Variants in TAF4B observed in about 807,000 individuals in gnomAD.
The protein encoded by TAF4B is TATA-box binding protein associated factor 4b.
A neutral mutation model predicts 86.4 loss-of-function variants in TAF4B; 38 were observed. That is an observed-to-expected ratio of 0.44 (90% CI 0.34 to 0.58). The LOEUF (loss-of-function observed/expected upper bound fraction) is 0.58. Among genes scored for constraint, TAF4B ranks in the 20% least tolerant of loss-of-function variants. The pLI is 0.02. For synonymous variants in TAF4B, 388 were observed against 391.2 expected, an observed-to-expected ratio of 0.99 and a Z score of 0.10; for missense variants, 988 against 1,027.6, an observed-to-expected ratio of 0.96 and a Z score of 0.53.
At position 26,329,792 on chromosome 18, in the gene TAF4B, A is replaced by G. The variant is rs142145376; in HGVS notation, c.2259+2652A>G. The stretch of plus-strand genomic sequence containing the variant: ...TAGTTCTCTCCATTTTAAACTTGCC[A>G]TCTCCCCCACTTTTTGATTTTTATT... On this transcript the variant is annotated intron_variant, in intron 12 of 14. Transcript: ENST00000269142. 2.0e-3 allele frequency among the ~76,000 whole-genome samples: 299 copies of G among 152,098 alleles called. 1 individual carries two copies. Among genetic ancestry groups the G allele is most frequent in the African/African-American group, 7.0e-3 (292 of 41,498 alleles).
intron 13 of TAF4B, among the ~76,000 whole-genome samples, chr18:26,347,331 A>C (rs2057207758): frequency 6.6e-6 from 1 of 152,126 alleles, no homozygotes; most frequent in South Asian, 2.1e-4. Context: ...GGCCTACAAG[A>C]GATACTCAAG....
intron 14 of TAF4B, among the ~76,000 whole-genome samples, chr18:26,360,697 T>C (rs2057322443): frequency 6.6e-6 from 1 of 152,210 alleles, no homozygotes; most frequent in Non-Finnish European, 1.5e-5. Flanking sequence ...TAGATAATTG[T>C]CCCAACACCA....
intron 9 of TAF4B, chr18:26,304,949 G>A (rs2056779264): frequency 1.2e-6 from 1 of 836,632 alleles, no homozygotes; most frequent in African/African-American, 1.8e-5. Context: ...CCAGACTTAT[G>A]TACATATGCT....
At chr18:26,343,117 C>T (rs2057148909) in intron 13 of TAF4B, among the ~76,000 whole-genome samples, 1 of 152,206 alleles carries the variant, frequency 6.6e-6, no homozygotes, top group East Asian at 1.9e-4. Flanking sequence ...CAAAATACTA[C>T]TTGAACTGGT....
chr18:26,327,136 C>T lies in TAF4B; in HGVS notation c.2255C>T (p.Ala752Val). 6.2e-7 allele frequency: 1 copy of T among 1,610,994 alleles called. No homozygotes were observed. Among genetic ancestry groups the T allele is most frequent in the Non-Finnish European group, 8.5e-7 (1 of 1,179,486 alleles). Residue 752 changes from alanine to valine, a missense_variant, in exon 12 of 15, where the codon GCC (alanine) becomes GTC (valine). Transcript: ENST00000269142. ...LEEREMLLKA[A>V]KSRSNKEDPE... is the part of the protein sequence containing the mutation. ...GAAAGAGAAATGTTACTTAAGGCAG[C>T]CAAGGTAAGGGCCAGTGTGATTTAT...
intron 12 of TAF4B, among the ~76,000 whole-genome samples, chr18:26,328,580 T>G (rs1316925845): frequency 6.6e-6 from 1 of 152,150 alleles, no homozygotes; most frequent in Non-Finnish European, 1.5e-5. Context: ...ATCCCCCCAA[T>G]TTTAACATTT....
chr18:26,268,864 C>G (rs1014364461), intron 3 of TAF4B, among the ~76,000 whole-genome samples: 4 of 152,148 alleles, frequency 2.6e-5, no homozygotes, highest in African/African-American at 9.6e-5. Context: ...ACTCTATCAC[C>G]TAGGCTGGAG....
At chr18:26,285,210 C>CTTTTTTTTTTTTTTTT (rs113394710) in intron 6 of TAF4B, among the ~76,000 whole-genome samples, 6 of 42,502 alleles carry the variant, frequency 1.4e-4, no homozygotes, top group Admixed American at 3.2e-4. Context: ...TCTTCCTTTC[C>CTTTTTTTTTTTTTTTT]TTTTTTTTTT....
intron 10 of TAF4B, among the ~76,000 whole-genome samples, chr18:26,315,890 CT>C (rs1331474450): frequency 2.0e-5 from 3 of 152,094 alleles, no homozygotes; most frequent in Non-Finnish European, 4.4e-5. Context: ...TGTTAGATAG[CT>C]GCAGTGTGAA....
At chr18:26,374,325 A>G (rs1200776392) in intron 14 of TAF4B, among the ~76,000 whole-genome samples, 1 of 152,180 alleles carries the variant, frequency 6.6e-6, no homozygotes, top group Admixed American at 6.5e-5. Flanking sequence ...CTCCCAGGAA[A>G]CAGTTTTTGA....
At chr18:26,266,876 AAAAC>A (rs1194394414) in intron 2 of TAF4B, 1 of 152,094 alleles carries the variant, frequency 6.6e-6, no homozygotes, top group Non-Finnish European at 1.5e-5. Context: ...CAAAACAAAA[AAAAC>A]AAACAAAAAT....
chr18:26,325,083 T>C (rs1460280830), intron 11 of TAF4B, among the ~76,000 whole-genome samples: 1 of 152,250 alleles, frequency 6.6e-6, no homozygotes, highest in Non-Finnish European at 1.5e-5. Context: ...TGGTTTGATA[T>C]AATTCTTTAA....
At chr18:26,343,625 A>C (rs1221020256) in intron 13 of TAF4B, among the ~76,000 whole-genome samples, 1 of 152,216 alleles carries the variant, frequency 6.6e-6, no homozygotes, top group Non-Finnish European at 1.5e-5. Context: ...AGAGTTTCAT[A>C]ATACAGTTGA....
chr18:26,336,163 G>A (rs533165439), intron 13 of TAF4B, among the ~76,000 whole-genome samples: 29 of 152,272 alleles, frequency 1.9e-4, no homozygotes, highest in Admixed American at 5.2e-4. Flanking sequence ...GGTGTGAGAC[G>A]TGTGATATGG....
intron 13 of TAF4B, 54 bp from the exon 14 acceptor site, chr18:26,357,636 C>T: frequency 8.0e-7 from 1 of 1,248,284 alleles, no homozygotes; most frequent in African/African-American, 1.5e-5. Flanking sequence ...GTTTCTTTTT[C>T]CCTCTGAGCA....
At chr18:26,260,670 T>C (rs1232072704) in intron 1 of TAF4B, among the ~76,000 whole-genome samples, 3 of 152,238 alleles carry the variant, frequency 2.0e-5, no homozygotes, top group African/African-American at 7.2e-5. Flanking sequence ...GTTCTTTGGA[T>C]TACATAATTT....
intron 3 of TAF4B, among the ~76,000 whole-genome samples, chr18:26,269,550 A>G (rs2144551730): frequency 6.6e-6 from 1 of 152,292 alleles, no homozygotes; most frequent in African/African-American, 2.4e-5. Context: ...ATCCCATGCT[A>G]GTAGATCAGA....
intron 1 of TAF4B, among the ~76,000 whole-genome samples, chr18:26,236,756 G>T (rs138087385): frequency 6.6e-6 from 1 of 151,946 alleles, no homozygotes; most frequent in Non-Finnish European, 1.5e-5. Context: ...TTTCCTTTTC[G>T]TCCTGTTCCT....
chr18:26,236,824 G>C (rs1470295937), intron 1 of TAF4B, among the ~76,000 whole-genome samples: 1 of 152,128 alleles, frequency 6.6e-6, no homozygotes, highest in Non-Finnish European at 1.5e-5. Context: ...TCCAGATTTT[G>C]TTCAGGGCCC....
Sources: allele counts gnomAD v4.1 joint callset (sites outside exome capture counted in the v4.1 genomes callset), GRCh38; gene constraint gnomAD v4.1.1; transcripts MANE v1.5; gene names NCBI Gene and HGNC (gene_info 2026-07-23, HGNC 2026-07-21).